The following EPB41L2 variants were observed in gnomAD, a reference collection of about 807,000 sequenced individuals.
EPB41L2 encodes band 4.1-like protein 2.
Under a neutral mutation model 113.0 loss-of-function variants are expected in EPB41L2, and 43 were observed. That is an observed-to-expected ratio of 0.38 (90% CI 0.30 to 0.49). The LOEUF (loss-of-function observed/expected upper bound fraction) is 0.49. EPB41L2 is among the 20% of genes least tolerant of loss of function. The pLI is 0.95. For missense variants in EPB41L2, 1,147 were observed against 1,223.4 expected (o/e 0.94, Z 0.93); for synonymous variants, 442 against 436.7 (o/e 1.01, Z -0.15).
chr6:130,974,533 A>G (rs1777686101), intron 1 of EPB41L2, among the ~76,000 whole-genome samples: 1 of 152,038 alleles, frequency 6.6e-6, no homozygotes, highest in Non-Finnish European at 1.5e-5. Flanking sequence ...TTGTGGCACT[A>G]TGATTTTGAA....
rs370185813 is a variant in EPB41L2 at position 130,870,158 on chromosome 6, A to G, written c.2044-32T>C. Reference sequence around the variant, plus strand: ...AAAAAAAGATGGATGAGGGAAAACAAAAATATATGAATAAATAAAAACAAC... The same window carrying G: ...AAAAAAAGATGGATGAGGGAAAACAGAAATATATGAATAAATAAAAACAAC... On this transcript the variant is annotated intron_variant, in intron 14 of 19. Transcript: ENST00000337057. The G allele has an allele frequency of 1.1e-4, 165 of 1,568,730 alleles. 1 individual carries two copies. In the East Asian group the frequency reaches 2.9e-3, roughly 27 times the overall value.
intron 4 of EPB41L2, among the ~76,000 whole-genome samples, chr6:130,909,075 T>C (rs1297785890): frequency 6.6e-6 from 1 of 152,168 alleles, no homozygotes; most frequent in Non-Finnish European, 1.5e-5. Flanking sequence ...ATAAGTAAAA[T>C]ATTCACATGC....
chr6:131,051,935 T>C (rs1010629655), intron 1 of EPB41L2, among the ~76,000 whole-genome samples: 3 of 52,834 alleles, frequency 5.7e-5, no homozygotes, highest in Non-Finnish European at 1.1e-4. Flanking sequence ...TGTGTTGATT[T>C]TTTTTTTCTT....
intron 1 of EPB41L2, among the ~76,000 whole-genome samples, chr6:131,020,696 T>C (rs1789253962): frequency 1.3e-5 from 2 of 152,216 alleles, no homozygotes; most frequent in African/African-American, 2.4e-5. Context: ...ACTGATGATT[T>C]CCATCAAAGT....
chr6:131,019,521 T>C (rs1326688852), intron 1 of EPB41L2, among the ~76,000 whole-genome samples: 1 of 152,198 alleles, frequency 6.6e-6, no homozygotes, highest in Admixed American at 6.5e-5. Context: ...TTGCTAAGTA[T>C]AATGTTGGAT....
chr6:131,062,551 C>G (rs894910836), intron 1 of EPB41L2: 2 of 151,380 alleles, frequency 1.3e-5, no homozygotes, highest in African/African-American at 4.8e-5. Flanking sequence ...CGCGAGCCTA[C>G]AGCGGGCCCG....
chr6:130,986,628 G>T (rs1395514870), intron 1 of EPB41L2, among the ~76,000 whole-genome samples: 2 of 151,286 alleles, frequency 1.3e-5, no homozygotes, highest in African/African-American at 4.9e-5. Context: ...TGTTGCCCAG[G>T]AGGCTGGAGT....
intron 8 of EPB41L2, among the ~76,000 whole-genome samples, chr6:130,898,664 T>C (rs1795362905): frequency 1.3e-5 from 2 of 152,110 alleles, no homozygotes; most frequent in African/African-American, 4.8e-5. Context: ...TCATAACTCA[T>C]ACCCTGTGAC....
rs574620568 is a variant in EPB41L2, at chr6:130,905,391, A to T, written c.854-851T>A. ...TTCAAGTTCATAATATTTTTAAATT[A>T]AAAAAATGTGTGTGTGTATATATGT... On this transcript the variant is annotated intron_variant, in intron 5 of 19. Transcript: ENST00000337057. Among the ~76,000 whole-genome samples the T allele has an allele frequency of 5.3e-5, 8 of 152,034 alleles. No individual in the cohort carries two copies. The East Asian group carries it at 1.4e-3, about 26-fold the overall frequency.
intron 1 of EPB41L2, among the ~76,000 whole-genome samples, chr6:131,054,759 A>C (rs1319966433): frequency 6.6e-6 from 1 of 152,254 alleles, no homozygotes; most frequent in Non-Finnish European, 1.5e-5. Flanking sequence ...TTTTAAAGGA[A>C]GGGCCAGGGG....
chr6:131,023,219 T>C (rs1237332720), intron 1 of EPB41L2, among the ~76,000 whole-genome samples: 1 of 152,202 alleles, frequency 6.6e-6, no homozygotes, highest in East Asian at 1.9e-4. Flanking sequence ...ATAAATGCAA[T>C]ATTTAAAGAC....
Position 130,899,518 on chromosome 6 carries a change from C to T in EPB41L2, c.1209G>A (p.Met403Ile), listed in dbSNP as rs375573893. 3 of 1,613,970 alleles carry T rather than the reference C, an allele frequency of 1.9e-6. No homozygotes were observed. The highest frequency in any genetic ancestry group is 2.2e-5 in the East Asian group (1 of 44,870). ...TGGCATGATGTAGGTCAACACCATA[C>T]ATGGAAAGCCTCTTTGCATTTTCTA... ...QFLENAKRLSMYGVDLHHAKD... is the reference protein window; with the variant it reads ...QFLENAKRLSIYGVDLHHAKD... Residue 403 changes from methionine to isoleucine, a missense_variant, in exon 8 of 20, where the codon ATG (methionine) becomes ATA (isoleucine). Coordinates refer to ENST00000337057, the MANE Select transcript of EPB41L2 (RefSeq NM_001431.4).
At chr6:130,984,856 G>C (rs915791584) in intron 1 of EPB41L2, among the ~76,000 whole-genome samples, 1 of 152,058 alleles carries the variant, frequency 6.6e-6, no homozygotes, top group African/African-American at 2.4e-5. Flanking sequence ...GATTACTATT[G>C]GCTAGAATGG....
At chr6:130,987,009 T>C (rs1031235891) in intron 1 of EPB41L2, among the ~76,000 whole-genome samples, 2 of 152,206 alleles carry the variant, frequency 1.3e-5, no homozygotes, top group African/African-American at 4.8e-5. Context: ...GTGTCTGGTT[T>C]CTTTCACTTA....
At chr6:130,933,439 C>T (rs1807610028) in intron 3 of EPB41L2, among the ~76,000 whole-genome samples, 1 of 152,190 alleles carries the variant, frequency 6.6e-6, no homozygotes, top group Admixed American at 6.5e-5. Flanking sequence ...CTGCCTCTCC[C>T]TAACCCTACT....
At chr6:131,029,391 TAAAAAAAAAAAAA>T (rs757528439) in intron 1 of EPB41L2, among the ~76,000 whole-genome samples, 1 of 119,466 alleles carries the variant, frequency 8.4e-6, no homozygotes. Flanking sequence ...AGCATTTGTT[TAAAAAAAAAAAAA>T]AAAAAAAAAA....
At chr6:130,997,752 A>AT (rs1783480021) in intron 1 of EPB41L2, among the ~76,000 whole-genome samples, 1 of 152,164 alleles carries the variant, frequency 6.6e-6, no homozygotes, top group African/African-American at 2.4e-5. Context: ...ATTGCATTTC[A>AT]GGGGGGAAAA....
intron 1 of EPB41L2, among the ~76,000 whole-genome samples, chr6:131,021,999 T>G (rs1316937635): frequency 1.3e-5 from 2 of 152,194 alleles, no homozygotes; most frequent in African/African-American, 2.4e-5. Context: ...TTGTGCACTT[T>G]AATTCTATTA....
chr6:131,036,138 T>C (rs1165328741), intron 1 of EPB41L2, among the ~76,000 whole-genome samples: 1 of 152,222 alleles, frequency 6.6e-6, no homozygotes, highest in East Asian at 1.9e-4. Context: ...AGGATGATTA[T>C]AATCTTCCAG....
Sources: gnomAD v4.1 joint callset for allele counts (sites outside exome capture counted in the v4.1 genomes callset) on GRCh38, gnomAD v4.1.1 for gene constraint, MANE v1.5 for transcripts, NCBI Gene and HGNC (gene_info 2026-07-23, HGNC 2026-07-21) for gene names.